Variants in TTC9 observed in about 807,000 individuals in gnomAD.
The protein encoded by TTC9 is tetratricopeptide repeat domain 9.
Under a neutral mutation model 22.9 loss-of-function variants are expected in TTC9, and 13 were observed. The ratio of observed to expected loss-of-function variants is 0.57; its 90% CI spans 0.37 to 0.90. The LOEUF is 0.90. TTC9 is among the 40% of genes least tolerant of loss of function. The pLI is 0.01. For synonymous variants in TTC9, 148 were observed against 133.2 expected (o/e 1.11, Z -0.77); for missense variants, 280 against 291.8 (o/e 0.96, Z 0.29).
At chr14:70,665,313 C>G (rs1886199640) in intron 1 of TTC9, among the ~76,000 whole-genome samples, 3 of 152,120 alleles carry the variant, frequency 2.0e-5, no homozygotes, top group Admixed American at 2.0e-4. Flanking sequence ...AGGTAGCAGT[C>G]AGTGAGGTTC....
intron 1 of TTC9, among the ~76,000 whole-genome samples, chr14:70,652,954 G>A (rs1458271632): frequency 6.6e-6 from 1 of 152,208 alleles, no homozygotes; most frequent in African/African-American, 2.4e-5. Context: ...AAAACCTGAG[G>A]GGTAATGTGG....
chr14:70,657,259 T>C (rs1470224820), intron 1 of TTC9, among the ~76,000 whole-genome samples: 3 of 152,246 alleles, frequency 2.0e-5, no homozygotes, highest in Admixed American at 2.0e-4. Context: ...CAGGCCACGA[T>C]GAGTGAATCC....
chr14:70,649,513 A>G (rs1364638672), intron 1 of TTC9, among the ~76,000 whole-genome samples: 1 of 152,176 alleles, frequency 6.6e-6, no homozygotes, highest in Admixed American at 6.5e-5. Flanking sequence ...AGTTAACATC[A>G]CTTGCCCATG....
chr14:70,642,426 G>T lies in TTC9; in HGVS notation c.297G>T (p.Arg99=). The change falls in exon 1 of 3, where the codon CGG becomes CGT. Residue 99 remains arginine, a synonymous_variant. Coordinates refer to ENST00000256367, the MANE Select transcript of TTC9 (RefSeq NM_015351.2). ...GLLPPPGERE[R]DSRPASPAGA... ...TGCCGCCCCCCGGGGAACGGGAGCG[G>T]GACTCGCGCCCGGCCTCCCCGGCTG... 3 of 1,583,832 alleles carry T rather than the reference G, an allele frequency of 1.9e-6. No homozygotes were observed. The highest frequency in any genetic ancestry group is 2.6e-6 in the Non-Finnish European group (3 of 1,166,438).
chr14:70,661,902 G>A (rs1886149342), intron 1 of TTC9, among the ~76,000 whole-genome samples: 1 of 152,194 alleles, frequency 6.6e-6, no homozygotes, highest in African/African-American at 2.4e-5. Flanking sequence ...GAGATTTGCA[G>A]CTTCAATTCT....
intron 1 of TTC9, among the ~76,000 whole-genome samples, chr14:70,644,819 A>G (rs780421271): frequency 4.6e-5 from 7 of 152,220 alleles, no homozygotes; most frequent in Non-Finnish European, 1.0e-4. Flanking sequence ...TTCAACTTAA[A>G]AGTCACTCTG....
intron 1 of TTC9, among the ~76,000 whole-genome samples, chr14:70,657,756 A>T (rs1566698884): frequency 6.6e-6 from 1 of 152,128 alleles, no homozygotes; most frequent in Non-Finnish European, 1.5e-5. Context: ...ACCTGAGGTC[A>T]GGAGTTCAAG....
At chr14:70,664,044 G>T (rs1206485286) in intron 1 of TTC9, among the ~76,000 whole-genome samples, 1 of 152,096 alleles carries the variant, frequency 6.6e-6, no homozygotes, top group Non-Finnish European at 1.5e-5. Flanking sequence ...AATAGAACCT[G>T]TTTCATGGAG....
chr14:70,666,640 C>G (rs753449612), intron 1 of TTC9, among the ~76,000 whole-genome samples: 1 of 152,206 alleles, frequency 6.6e-6, no homozygotes, highest in Admixed American at 6.5e-5. Flanking sequence ...TGGAGCCAGA[C>G]AGCTTCAGCT....
At position 70,673,435 on chromosome 14, in the gene TTC9, A is replaced by G. The variant is rs56165422; in HGVS notation, c.*2280A>G. On this transcript the variant is annotated 3_prime_UTR_variant, in exon 3 of 3. Coordinates refer to ENST00000256367, the MANE Select transcript of TTC9 (RefSeq NM_015351.2). ...CTCTCTGGAGAAGAGGAAAAGGAAG[A>G]AGCTATTTCAGCTGCCACATTCTCC... The G allele has an allele frequency of 0.061, 9,250 of 152,276 alleles. 915 individuals are homozygous for G. The highest frequency in any genetic ancestry group is 0.21 in the African/African-American group (8,735 of 41,456). 9.4% of individuals were successfully genotyped at this position (152,276 alleles called of 1,614,324 possible). A position where few individuals can be genotyped will look rare whatever the true frequency, so the allele number is the denominator to read the frequency against.
At chr14:70,656,241 A>G (rs1188425836) in intron 1 of TTC9, among the ~76,000 whole-genome samples, 1 of 150,694 alleles carries the variant, frequency 6.6e-6, no homozygotes, top group African/African-American at 2.4e-5. Flanking sequence ...ACACACACAC[A>G]CACACATTTA....
At chr14:70,668,645 G>C (rs983080015) in intron 2 of TTC9, among the ~76,000 whole-genome samples, 1 of 151,008 alleles carries the variant, frequency 6.6e-6, no homozygotes. Flanking sequence ...GAGCTCAGAA[G>C]TTCAAGACCA....
At chr14:70,659,132 G>GCACACACA (rs71105721) in intron 1 of TTC9, among the ~76,000 whole-genome samples, 36 of 144,330 alleles carry the variant, frequency 2.5e-4, no homozygotes, top group African/African-American at 8.5e-4. Flanking sequence ...ACACACACAC[G>GCACACACA]CACACACACA....
chr14:70,642,111 G>T lies in TTC9; in HGVS notation c.-19G>T. ...GCGGGCAGATCGCGGCGCGCACCAG[G>T]CGCCGGGGCGGCGGCCGAATGGAGA... On this transcript the variant is annotated 5_prime_UTR_variant, in exon 1 of 3. Transcript: ENST00000256367. 1 of 1,097,482 alleles carries T rather than the reference G, an allele frequency of 9.1e-7. No homozygotes were observed. Among genetic ancestry groups the T allele is most frequent in the Middle Eastern group, 4.0e-4 (1 of 2,510 alleles). The allele number at this position is 1,097,482 out of a possible 1,614,324, so 68.0% of individuals were successfully genotyped here.
chr14:70,668,255 C>T (rs1886242933), intron 2 of TTC9, among the ~76,000 whole-genome samples: 1 of 152,192 alleles, frequency 6.6e-6, no homozygotes, highest in African/African-American at 2.4e-5. Flanking sequence ...TCACTTAGAT[C>T]ATATCCACCA....
chr14:70,663,942 T>G (rs1178607520), intron 1 of TTC9, among the ~76,000 whole-genome samples: 1 of 152,154 alleles, frequency 6.6e-6, no homozygotes, highest in Non-Finnish European at 1.5e-5. Context: ...TGGGCTGATA[T>G]CCTAATTCTA....
intron 1 of TTC9, among the ~76,000 whole-genome samples, chr14:70,649,689 C>A (rs1885953389): frequency 6.6e-6 from 1 of 152,226 alleles, no homozygotes; most frequent in African/African-American, 2.4e-5. Flanking sequence ...CAATATTCTA[C>A]TCTTTGAAGC....
chr14:70,663,277 G>A (rs1005405482), intron 1 of TTC9, among the ~76,000 whole-genome samples: 1 of 152,116 alleles, frequency 6.6e-6, no homozygotes, highest in Non-Finnish European at 1.5e-5. Context: ...TCTTGGCTCT[G>A]CCTTGAAAAG....
chr14:70,669,711 G>A (rs189053183), intron 2 of TTC9, among the ~76,000 whole-genome samples: 21 of 151,180 alleles, frequency 1.4e-4, no homozygotes, highest in East Asian at 5.8e-4. Flanking sequence ...TTTATTTTCC[G>A]TACATAAATC....
Sources: gnomAD v4.1 joint callset for allele counts (sites outside exome capture counted in the v4.1 genomes callset) on GRCh38, gnomAD v4.1.1 for gene constraint, MANE v1.5 for transcripts, NCBI Gene and HGNC (gene_info 2026-07-23, HGNC 2026-07-21) for gene names.